NTN4: variants seen among roughly 807,000 people sequenced by gnomAD.
NTN4 encodes netrin 4.
A neutral mutation model predicts 73.6 loss-of-function variants in NTN4; 32 were observed. That is an observed-to-expected ratio of 0.44 (90% CI 0.33 to 0.58). The LOEUF is 0.58. NTN4 is among the 20% of genes least tolerant of loss of function. The pLI, the probability that NTN4 is intolerant of heterozygous loss-of-function variation, is 0.04. For synonymous variants in NTN4, 258 were observed against 287.5 expected (o/e 0.90, Z 1.04); for missense variants, 654 against 798.3 (o/e 0.82, Z 2.18).
chr12:95,686,065 TA>T (rs780094994), intron 5 of NTN4, among the ~76,000 whole-genome samples: 14 of 151,300 alleles, frequency 9.3e-5, no homozygotes, highest in South Asian at 6.3e-4. Flanking sequence ...TGTAATTTGT[TA>T]TTTTTTTATA....
intron 5 of NTN4, among the ~76,000 whole-genome samples, chr12:95,696,017 T>A (rs1415772766): frequency 7.1e-6 from 1 of 140,860 alleles, no homozygotes; most frequent in East Asian, 2.5e-4. Flanking sequence ...CTCCCTCCCA[T>A]ACTCACTTCC....
chr12:95,769,827 G>A (rs1168675895), intron 2 of NTN4, among the ~76,000 whole-genome samples: 1 of 140,408 alleles, frequency 7.1e-6, no homozygotes, highest in South Asian at 2.2e-4. Flanking sequence ...TGTGATCTCC[G>A]CTCACTGCAA....
intron 2 of NTN4, among the ~76,000 whole-genome samples, chr12:95,757,885 T>C (rs887870308): frequency 2.6e-5 from 4 of 152,008 alleles, no homozygotes; most frequent in South Asian, 2.1e-4. Flanking sequence ...AGAGCTTAGA[T>C]GGAATAAGGG....
chr12:95,787,390 C>T lies in NTN4; in HGVS notation c.134G>A (p.Arg45Gln), dbSNP rs1422633467. The change falls in exon 2 of 10, where the codon CGA becomes CAA. Residue 45 changes from arginine (R) to glutamine (Q), a missense_variant. Physicochemically the swap from Arg to Gln is conservative, Grantham distance 43. Transcript: ENST00000343702. ...GCAGGTGGTGTCTGCCCAGAGTTTT[C>T]GCCCCAAAGCCAAATTTCCCATCCG... ...NPRMGNLALG[R>Q]KLWADTTCGQ... 1.9e-6 allele frequency: 3 copies of T among 1,614,198 alleles called. No individual in the cohort carries two copies. The highest frequency in any genetic ancestry group is 1.7e-5 in the Admixed American group (1 of 60,024).
chr12:95,765,173 G>A (rs1270436245), intron 2 of NTN4, among the ~76,000 whole-genome samples: 1 of 152,186 alleles, frequency 6.6e-6, no homozygotes, highest in Non-Finnish European at 1.5e-5. Context: ...TAAAAACATA[G>A]TTCCTTATCT....
chr12:95,666,681 T>C (rs939383021), intron 8 of NTN4, among the ~76,000 whole-genome samples: 1 of 152,224 alleles, frequency 6.6e-6, no homozygotes, highest in Non-Finnish European at 1.5e-5. Context: ...AGGTTCTGAC[T>C]ATATTATTCT....
intron 7 of NTN4, chr12:95,672,287 C>A: frequency 1.3e-6 from 1 of 759,790 alleles, no homozygotes; most frequent in South Asian, 1.4e-5. Context: ...GCTGGCACTG[C>A]CTCCCAAGCC....
intron 2 of NTN4, among the ~76,000 whole-genome samples, chr12:95,742,118 A>C (rs544831356): frequency 6.6e-6 from 1 of 152,244 alleles, no homozygotes; most frequent in African/African-American, 2.4e-5. Context: ...GTAACAGAGA[A>C]ATCCATACAA....
intron 3 of NTN4, among the ~76,000 whole-genome samples, chr12:95,714,895 G>A (rs922893457): frequency 3.9e-5 from 6 of 152,182 alleles, no homozygotes; most frequent in Non-Finnish European, 7.3e-5. Flanking sequence ...TGTGCTCAGA[G>A]TGGCCAAACC....
chr12:95,759,619 C>G (rs753871936), intron 2 of NTN4, among the ~76,000 whole-genome samples: 11 of 151,670 alleles, frequency 7.3e-5, no homozygotes, highest in Non-Finnish European at 8.8e-5. Context: ...TGTCACCACA[C>G]CTGGCTAATT....
At chr12:95,709,255 C>A (rs115980545) in intron 5 of NTN4, among the ~76,000 whole-genome samples, 1 of 152,018 alleles carries the variant, frequency 6.6e-6, no homozygotes, top group Non-Finnish European at 1.5e-5. Flanking sequence ...ACATGGAGTC[C>A]TTGGTAGGGA....
chr12:95,699,461 G>C (rs2078466512), intron 5 of NTN4, among the ~76,000 whole-genome samples: 1 of 152,186 alleles, frequency 6.6e-6, no homozygotes, highest in Non-Finnish European at 1.5e-5. Context: ...CTGTTTAAGA[G>C]AGATCAGTGC....
At position 95,748,131 on chromosome 12, in the gene NTN4, T is replaced by C. The variant is rs543212719; in HGVS notation, c.586-9987A>G. On this transcript the variant is annotated intron_variant, in intron 2 of 9. Transcript: ENST00000343702. Reference sequence around the variant, plus strand: ...CTGTAGTCCCAGCCACTCAGGAGGCTGAGGCAGGAGAATCACTTGAACCTG... The same window carrying C: ...CTGTAGTCCCAGCCACTCAGGAGGCCGAGGCAGGAGAATCACTTGAACCTG... Among the ~76,000 whole-genome samples the C allele has an allele frequency of 2.0e-3, 290 of 147,912 alleles. 2 individuals carry two copies. The highest frequency in any genetic ancestry group is 2.0e-3 in the Non-Finnish European group (135 of 67,562).
intron 8 of NTN4, among the ~76,000 whole-genome samples, chr12:95,666,211 G>T (rs548009625): frequency 6.6e-6 from 1 of 152,112 alleles, no homozygotes; most frequent in Non-Finnish European, 1.5e-5. Context: ...ATTTGTAAGT[G>T]GGAGCTAAGC....
At chr12:95,662,957 C>T (rs1160109187) in intron 9 of NTN4, among the ~76,000 whole-genome samples, 1 of 151,748 alleles carries the variant, frequency 6.6e-6, no homozygotes, top group Non-Finnish European at 1.5e-5. Context: ...TCTACAAAAA[C>T]ACAAACAAAC....
intron 9 of NTN4, among the ~76,000 whole-genome samples, chr12:95,662,967 C>CA (rs543442291): frequency 6.3e-4 from 95 of 151,856 alleles, no homozygotes; most frequent in Middle Eastern, 3.4e-3. Flanking sequence ...CACAAACAAA[C>CA]AAAAATTAGC....
chr12:95,771,974 A>G (rs1344281086), intron 2 of NTN4, among the ~76,000 whole-genome samples: 1 of 152,108 alleles, frequency 6.6e-6, no homozygotes, highest in Non-Finnish European at 1.5e-5. Context: ...TGGTAACCCA[A>G]CATAAATCAA....
intron 2 of NTN4, among the ~76,000 whole-genome samples, chr12:95,777,012 T>C (rs373440642): frequency 4.6e-5 from 7 of 152,154 alleles, no homozygotes; most frequent in Non-Finnish European, 8.8e-5. Context: ...ATATTCAACA[T>C]TCTTAAAGAA....
In NTN4 at chr12:95,751,303, G is replaced by A. The variant is rs557090743; in HGVS notation, c.586-13159C>T. ...AGGATTTAATTAACCTCGCCTTCAA[G>A]GTGTACAATAATAGAAAAAAGTTGC... On this transcript the variant is annotated intron_variant, in intron 2 of 9. Coordinates refer to ENST00000343702, the MANE Select transcript of NTN4 (RefSeq NM_021229.4). Among the ~76,000 whole-genome samples, 3 of 151,772 alleles carry A rather than the reference G, an allele frequency of 2.0e-5. No individual in the cohort carries two copies. The East Asian group carries it at 5.8e-4, about 29-fold the overall frequency.
Sources: gnomAD v4.1 joint callset for allele counts (sites outside exome capture counted in the v4.1 genomes callset) on GRCh38, gnomAD v4.1.1 for gene constraint, MANE v1.5 for transcripts, NCBI Gene and HGNC (gene_info 2026-07-23, HGNC 2026-07-21) for gene names.